FAT3: variants seen among roughly 807,000 people sequenced by gnomAD.
FAT3 encodes the protein protocadherin Fat 3.
FAT3 carries 95 observed loss-of-function variants against 310.2 expected under a neutral mutation model. The observed-to-expected ratio is 0.31, with a 90% CI of 0.26 to 0.36. The LOEUF is 0.36. FAT3 is among the 10% of genes least tolerant of loss of function. The pLI, the probability that FAT3 is intolerant of heterozygous loss-of-function variation, is 1.00. For missense variants in FAT3, 5,408 were observed against 5,715.6 expected (o/e 0.95, Z 1.74); for synonymous variants, 2,314 against 2,192.9 (o/e 1.06, Z -1.54).
intron 3 of FAT3, among the ~76,000 whole-genome samples, chr11:92,633,840 C>T (rs1484176358): frequency 6.6e-6 from 1 of 152,062 alleles, no homozygotes; most frequent in Non-Finnish European, 1.5e-5. Flanking sequence ...TGTCAGGGTT[C>T]AGTTAGGTTC....
At chr11:92,460,492 G>C (rs1284427031) in intron 2 of FAT3, among the ~76,000 whole-genome samples, 1 of 152,190 alleles carries the variant, frequency 6.6e-6, no homozygotes, top group African/African-American at 2.4e-5. Context: ...GTCTGTGACA[G>C]TGTGTATTGG....
intron 3 of FAT3, among the ~76,000 whole-genome samples, chr11:92,597,854 T>C (rs972695060): frequency 1.3e-5 from 2 of 152,290 alleles, no homozygotes; most frequent in South Asian, 2.1e-4. Flanking sequence ...AAGTTCTCAT[T>C]CATTTAAAAG....
At chr11:92,590,806 T>C (rs1354442318) in intron 3 of FAT3, among the ~76,000 whole-genome samples, 1 of 152,192 alleles carries the variant, frequency 6.6e-6, no homozygotes, top group African/African-American at 2.4e-5. Context: ...GCATTTGTTA[T>C]TTTTGCCTAC....
At position 92,799,186 on chromosome 11, in the gene FAT3, G is replaced by A. The variant is rs199620788; in HGVS notation, c.6173G>A (p.Arg2058His). The A allele has an allele frequency of 1.7e-4, 274 of 1,613,950 alleles. No homozygotes were observed. The East Asian group carries it at 3.5e-3, about 20-fold the overall frequency. Residue 2058 changes from arginine to histidine, a missense_variant, in exon 10 of 28, where the codon CGT (arginine) becomes CAT (histidine). This residue lies in a region of FAT3 where 4,588 missense variants were observed against 4,809.8 expected (regional missense o/e 0.95). Transcript: ENST00000525166. The part of the protein sequence containing the change: ...ELYELVVEAS[R>H]ELDHLRVARV... ...TATGAGCTGGTGGTAGAAGCCAGCC[G>A]TGAGCTGGACCATCTGCGTGTGGCC...
chr11:92,674,037 C>T (rs181185983), intron 3 of FAT3, among the ~76,000 whole-genome samples: 19 of 151,848 alleles, frequency 1.3e-4, no homozygotes, highest in South Asian at 6.3e-4. Context: ...AAAAATTAGC[C>T]GGGTGTGGTG....
chr11:92,311,299 G>A (rs1014865823), intron 1 of FAT3, among the ~76,000 whole-genome samples: 12 of 152,090 alleles, frequency 7.9e-5, no homozygotes, highest in Admixed American at 5.2e-4. Context: ...AAGCACTAGT[G>A]ATTTACAAGG....
At chr11:92,773,744 A>G (rs1041341421) in intron 6 of FAT3, among the ~76,000 whole-genome samples, 4 of 152,168 alleles carry the variant, frequency 2.6e-5, no homozygotes, top group African/African-American at 9.7e-5. Context: ...AAGGGCCTTT[A>G]GGTTTCTAAA....
At chr11:92,397,252 A>T (rs1009860490) in intron 2 of FAT3, among the ~76,000 whole-genome samples, 1 of 152,154 alleles carries the variant, frequency 6.6e-6, no homozygotes, top group Non-Finnish European at 1.5e-5. Flanking sequence ...GTTGGGCACT[A>T]AGCAGTACAT....
intron 3 of FAT3, among the ~76,000 whole-genome samples, chr11:92,598,624 T>C (rs1469630294): frequency 6.6e-6 from 1 of 152,184 alleles, no homozygotes; most frequent in African/African-American, 2.4e-5. Context: ...AGAAAGGTTA[T>C]GTAACTTGTA....
intron 13 of FAT3, 145 bp from the exon 14 acceptor site, chr11:92,831,477 C>A: frequency 1.5e-6 from 1 of 650,118 alleles, no homozygotes; most frequent in South Asian, 3.1e-5. Context: ...CTGAAATTTA[C>A]ATTTTTGTAG....
chr11:92,785,067 T>C (rs1284297838), intron 7 of FAT3, among the ~76,000 whole-genome samples: 1 of 151,822 alleles, frequency 6.6e-6, no homozygotes, highest in Non-Finnish European at 1.5e-5. Flanking sequence ...TACCACAAAG[T>C]ACTATAGGGC....
intron 2 of FAT3, among the ~76,000 whole-genome samples, chr11:92,476,387 C>A (rs866639383): frequency 7.9e-5 from 12 of 152,138 alleles, no homozygotes; most frequent in African/African-American, 2.4e-4. Context: ...TACAGCAAGT[C>A]AGGTTTGCTT....
At chr11:92,859,408 T>C in intron 21 of FAT3, 86 bp downstream of exon 21, 1 of 1,354,218 alleles carries the variant, frequency 7.4e-7, no homozygotes, top group Non-Finnish European at 9.8e-7. Context: ...GAAATCATTT[T>C]GTCTTTTAAG....
intron 2 of FAT3, among the ~76,000 whole-genome samples, chr11:92,456,349 A>G (rs1390454425): frequency 1.3e-5 from 2 of 152,218 alleles, no homozygotes; most frequent in African/African-American, 2.4e-5. Context: ...AGCACATGAA[A>G]TAATAAGTGA....
intron 3 of FAT3, among the ~76,000 whole-genome samples, chr11:92,634,396 T>C (rs1255222298): frequency 1.3e-5 from 2 of 152,220 alleles, no homozygotes; most frequent in Non-Finnish European, 2.9e-5. Flanking sequence ...TATTTTCTCC[T>C]GACTAGAATA....
intron 2 of FAT3, among the ~76,000 whole-genome samples, chr11:92,442,097 ATAT>A (rs1951080342): frequency 2.2e-5 from 1 of 45,826 alleles, no homozygotes; most frequent in South Asian, 8.3e-4. Context: ...ATATATATAT[ATAT>A]ATATATATAT....
intron 3 of FAT3, among the ~76,000 whole-genome samples, chr11:92,579,858 G>A (rs775510481): frequency 3.9e-5 from 6 of 151,980 alleles, no homozygotes; most frequent in African/African-American, 9.7e-5. Context: ...AAAGATAATT[G>A]AATGCCTCCT....
At chr11:92,802,896 TC>T (rs1056917968) in intron 10 of FAT3, among the ~76,000 whole-genome samples, 3 of 152,128 alleles carry the variant, frequency 2.0e-5, no homozygotes, top group Admixed American at 2.0e-4. Flanking sequence ...CAGAATAAGA[TC>T]CACAGTAGAG....
At chr11:92,323,585 CTTT>C (rs1206086265) in intron 1 of FAT3, among the ~76,000 whole-genome samples, 7 of 133,808 alleles carry the variant, frequency 5.2e-5, no homozygotes, top group African/African-American at 8.2e-5. Context: ...CTTTTTTTTT[CTTT>C]TTTTTTTTTT....
Sources: gnomAD v4.1 joint callset for allele counts (sites outside exome capture counted in the v4.1 genomes callset) on GRCh38, gnomAD v4.1.1 for gene constraint, gnomAD v4.1.1 regional missense constraint, MANE v1.5 for transcripts, NCBI Gene and HGNC (gene_info 2026-07-23, HGNC 2026-07-21) for gene names.